The following NXNL2 variants were observed in gnomAD, a reference collection of about 807,000 sequenced individuals.
NXNL2 encodes nucleoredoxin-like protein 2.
In NXNL2, 7 loss-of-function variants were observed where a neutral mutation model predicts 11.1. The ratio of observed to expected loss-of-function variants is 0.63; its 90% confidence interval spans 0.36 to 1.18. The LOEUF (loss-of-function observed/expected upper bound fraction) is 1.18, where lower values mean the gene tolerates loss of function less well. Ranked by LOEUF, NXNL2 falls within the 50% of genes most tolerant of loss-of-function variation. The pLI is 0.02. For missense variants in NXNL2, 233 were observed against 217.7 expected, an observed-to-expected ratio of 1.07 and a Z score of -0.44; for synonymous variants, 109 against 101.8, an observed-to-expected ratio of 1.07 and a Z score of -0.42.
chr9:88,564,262 CTATCTGTCTATCTATCTATCTAT>C (rs1022566373), intron 1 of NXNL2, among the ~76,000 whole-genome samples: 15 of 132,826 alleles, frequency 1.1e-4, no homozygotes, highest in African/African-American at 4.3e-4. Context: ...ATCTATCTAT[CTATCTGTCTATCTATCTATCTAT>C]TATCTATCTA....
In NXNL2 at chr9:88,544,479, G is replaced by A. The variant is rs748931914; in HGVS notation, c.403G>A (p.Glu135Lys). 2.5e-5 allele frequency: 39 copies of A among 1,551,570 alleles called. No homozygotes were observed. Among genetic ancestry groups the A allele is most frequent in the Non-Finnish European group, 3.3e-5 (38 of 1,146,952 alleles). The part of the protein sequence containing the change: ...ITNKGRKQIR[E>K]RGLACFQDWV... ...CAACAAAGGGCGGAAGCAGATCCGG[G>A]AACGGGGGTTGGCCTGCTTCCAGGA... is the stretch of plus-strand genomic sequence containing the variant. Residue 135 changes from glutamate to lysine, a missense_variant, in exon 2 of 2, where the codon GAA becomes AAA. Physicochemically the swap from Glu to Lys is moderately conservative, Grantham distance 56. Transcript: ENST00000375854.
In NXNL2 at chr9:88,544,559, C is replaced by T; in HGVS notation, c.*12C>T. The T allele has an allele frequency of 6.6e-7, 1 of 1,517,162 alleles. No individual in the cohort carries two copies. Among genetic ancestry groups the T allele is most frequent in the Non-Finnish European group, 8.9e-7 (1 of 1,129,278 alleles). 94.0% of individuals were successfully genotyped at this position (1,517,162 alleles called of 1,614,324 possible). A position where few individuals can be genotyped will look rare whatever the true frequency, so the allele number is the denominator to read the frequency against. On this transcript the variant is annotated 3_prime_UTR_variant, in exon 2 of 2. Coordinates refer to ENST00000375854, the MANE Select transcript of NXNL2 (RefSeq NM_001161625.2). ...ATTTCTCCGTTTGAAGTGGGAGGGA[C>T]CTCAGAGGGCCAGGACAGGTGCTGC...
In NXNL2 at chr9:88,568,386, C is replaced by T. The variant is rs1013798962; in HGVS notation, c.303-2701C>T. Among the ~76,000 whole-genome samples, 6 of 152,198 alleles carry T rather than the reference C, an allele frequency of 3.9e-5. No homozygotes were observed. The East Asian group carries it at 7.7e-4, about 20-fold the overall frequency. On this transcript the variant is annotated intron_variant, in intron 1 of 2. Coordinates refer to the NXNL2 transcript ENST00000375855. ...TGGCTGTACTTGAGTAGAGAGAGCC[C>T]GGGGGTGTCGTCCCTGGCCAGACAG...
chr9:88,558,551 T>A (rs185860776), intron 1 of NXNL2, among the ~76,000 whole-genome samples: 1 of 152,286 alleles, frequency 6.6e-6, no homozygotes, highest in African/African-American at 2.4e-5. Context: ...CCCCTATGTA[T>A]AGCCACTGGG....
chr9:88,548,780 G>A (rs1038089418), downstream of NXNL2, among the ~76,000 whole-genome samples: 14 of 151,948 alleles, frequency 9.2e-5, no homozygotes, highest in African/African-American at 2.2e-4. Flanking sequence ...GTTTCTGTCC[G>A]GTATAATCCA....
At chr9:88,561,965 C>T (rs1830090606) in intron 1 of NXNL2, among the ~76,000 whole-genome samples, 1 of 152,174 alleles carries the variant, frequency 6.6e-6, no homozygotes. Context: ...CCCAACGGAT[C>T]CTATGTTACC....
intron 1 of NXNL2, among the ~76,000 whole-genome samples, chr9:88,566,485 T>A (rs1830171715): frequency 6.6e-6 from 1 of 152,126 alleles, no homozygotes; most frequent in Non-Finnish European, 1.5e-5. Context: ...ATATTTTTAG[T>A]AGAGACAGGG....
downstream of NXNL2, among the ~76,000 whole-genome samples, chr9:88,547,821 A>G (rs1829865277): frequency 1.3e-5 from 2 of 151,916 alleles, no homozygotes; most frequent in South Asian, 4.2e-4. Flanking sequence ...GTTCAAGACC[A>G]GCCTGGCCAA....
At chr9:88,542,012 C>T (rs145738991) in intron 1 of NXNL2, among the ~76,000 whole-genome samples, 1,908 of 151,954 alleles carry the variant, frequency 0.013, 48 homozygotes, top group African/African-American at 0.044. Context: ...AGGCGGATCA[C>T]GAGGTCAGGA....
chr9:88,563,086 C>CAAAAAT (rs1012712543), intron 1 of NXNL2, among the ~76,000 whole-genome samples: 14 of 152,098 alleles, frequency 9.2e-5, no homozygotes, highest in East Asian at 7.7e-4. Flanking sequence ...GACTCCATCT[C>CAAAAAT]AAAAATAAAA....
chr9:88,545,595 C>T (rs556098908), downstream of NXNL2, among the ~76,000 whole-genome samples: 4 of 152,214 alleles, frequency 2.6e-5, no homozygotes, highest in South Asian at 2.1e-4. Context: ...TCACCCTCTG[C>T]GCTGTCAGTT....
downstream of NXNL2, among the ~76,000 whole-genome samples, chr9:88,546,940 C>G (rs1289840836): frequency 6.6e-6 from 1 of 152,152 alleles, no homozygotes; most frequent in Non-Finnish European, 1.5e-5. Flanking sequence ...TCTATATGTC[C>G]CCTAAAGTCA....
chr9:88,569,700 A>T (rs911104445), intron 1 of NXNL2, among the ~76,000 whole-genome samples: 1 of 152,230 alleles, frequency 6.6e-6, no homozygotes, highest in African/African-American at 2.4e-5. Flanking sequence ...TTTTAGCTGT[A>T]TGCAGACAAT....
chr9:88,540,135 A>T (rs1829720055), intron 1 of NXNL2, among the ~76,000 whole-genome samples: 1 of 152,072 alleles, frequency 6.6e-6, no homozygotes, highest in Non-Finnish European at 1.5e-5. Context: ...GATCGAAACC[A>T]TCCTGGCTAA....
intron 1 of NXNL2, among the ~76,000 whole-genome samples, chr9:88,566,994 AT>A (rs1830182629): frequency 1.3e-5 from 2 of 150,566 alleles, no homozygotes; most frequent in African/African-American, 4.9e-5. Flanking sequence ...CTATCTATCT[AT>A]CTATCTATCT....
chr9:88,538,688 GCCAGGGGCCA>G (rs1341664719), intron 1 of NXNL2, among the ~76,000 whole-genome samples: 1 of 152,236 alleles, frequency 6.6e-6, no homozygotes, highest in Non-Finnish European at 1.5e-5. Context: ...ATTAAGTGTA[GCCAGGGGCCA>G]CCAGATAGAT....
chr9:88,544,133 T>C (rs1401388210), intron 1 of NXNL2, among the ~76,000 whole-genome samples: 1 of 152,050 alleles, frequency 6.6e-6, no homozygotes, highest in Non-Finnish European at 1.5e-5. Flanking sequence ...ATCGCGCCAT[T>C]GCACTCTAGC....
At chr9:88,576,659 G>A (rs1483130181), downstream of NXNL2, among the ~76,000 whole-genome samples, 1 of 152,164 alleles carries the variant, frequency 6.6e-6, no homozygotes, top group African/African-American at 2.4e-5. Context: ...AAGCCTAGAA[G>A]GACAACTTGT....
intron 1 of NXNL2, among the ~76,000 whole-genome samples, chr9:88,564,275 T>TATC (rs1363747630): frequency 3.1e-5 from 4 of 130,954 alleles, no homozygotes; most frequent in African/African-American, 1.2e-4. Flanking sequence ...TCTGTCTATC[T>TATC]ATCTATCTAT....
Sources: allele counts gnomAD v4.1 joint callset (sites outside exome capture counted in the v4.1 genomes callset), GRCh38; gene constraint gnomAD v4.1.1; transcripts MANE v1.5; gene names NCBI Gene and HGNC (gene_info 2026-07-23, HGNC 2026-07-21).